Variants in ARHGAP25 observed in about 807,000 individuals in gnomAD.
ARHGAP25 encodes the protein rho GTPase-activating protein 25.
Under a neutral mutation model 71.0 loss-of-function variants are expected in ARHGAP25, and 34 were observed. That is an observed-to-expected ratio of 0.48 (90% confidence interval 0.36 to 0.64). The LOEUF (loss-of-function observed/expected upper bound fraction) is 0.64. Among genes scored for constraint, ARHGAP25 ranks in the 30% least tolerant of loss-of-function variants. The pLI, the probability that ARHGAP25 is intolerant of heterozygous loss-of-function variation, is 0.00. For missense variants in ARHGAP25, 706 were observed against 805.1 expected, an observed-to-expected ratio of 0.88 and a Z score of 1.49; for synonymous variants, 282 against 296.5, an observed-to-expected ratio of 0.95 and a Z score of 0.50.
upstream of ARHGAP25, among the ~76,000 whole-genome samples, chr2:68,730,198 G>T (rs1167473746): frequency 1.3e-5 from 2 of 152,202 alleles, no homozygotes; most frequent in Non-Finnish European, 2.9e-5. Context: ...TGAGTAGAAG[G>T]TGAGGGAGAA....
intron 7 of ARHGAP25, chr2:68,816,866 A>C (rs1484132178): frequency 6.5e-6 from 1 of 152,976 alleles, no homozygotes; most frequent in African/African-American, 2.4e-5. Flanking sequence ...TTTAAAAATA[A>C]TTTGTTGTAG....
chr2:68,817,360 C>A (rs1681311210), intron 7 of ARHGAP25, among the ~76,000 whole-genome samples: 1 of 152,126 alleles, frequency 6.6e-6, no homozygotes, highest in African/African-American at 2.4e-5. Flanking sequence ...AGAATTTTAA[C>A]AAAAATTCAG....
intron 1 of ARHGAP25, among the ~76,000 whole-genome samples, chr2:68,746,143 C>T (rs1339466424): frequency 6.6e-6 from 1 of 152,156 alleles, no homozygotes; most frequent in Non-Finnish European, 1.5e-5. Flanking sequence ...TCATTTTCCC[C>T]AAAGCTTTTA....
chr2:68,806,154 A>G (rs1680347016), intron 4 of ARHGAP25, among the ~76,000 whole-genome samples: 1 of 152,158 alleles, frequency 6.6e-6, no homozygotes, highest in Non-Finnish European at 1.5e-5. Flanking sequence ...AAATGTTCAA[A>G]CCTCTTGACC....
intron 1 of ARHGAP25, among the ~76,000 whole-genome samples, chr2:68,745,075 A>G (rs1169770326): frequency 6.6e-6 from 1 of 152,198 alleles, no homozygotes; most frequent in Admixed American, 6.5e-5. Flanking sequence ...GAGGCCCCTA[A>G]AGGCAGATGA....
chr2:68,767,313 G>T lies in ARHGAP25; in HGVS notation c.62-7908G>T, dbSNP rs1033598618. On this transcript the variant is annotated intron_variant, in intron 1 of 10. Transcript: ENST00000409202. This position sits in a 1 kb window ranked among gnomAD's most constrained non-coding sequence, Gnocchi z 4.6. The stretch of plus-strand genomic sequence containing the variant: ...GAAAAGGGATACAGAAAGCGAGCCT[G>T]AAGTTTCTGAAGTCACATGTCCTAA... Among the ~76,000 whole-genome samples, 1 of 152,056 alleles carries T rather than the reference G, an allele frequency of 6.6e-6. No homozygotes were observed. The highest frequency in any genetic ancestry group is 6.5e-5 in the Admixed American group (1 of 15,270).
chr2:68,761,936 G>A (rs754350509), intron 1 of ARHGAP25, among the ~76,000 whole-genome samples: 1 of 152,084 alleles, frequency 6.6e-6, no homozygotes, highest in Non-Finnish European at 1.5e-5. Context: ...TGTACATCAC[G>A]TTCATAGCAG....
chr2:68,759,459 C>T (rs1316002220), intron 1 of ARHGAP25, among the ~76,000 whole-genome samples: 2 of 151,696 alleles, frequency 1.3e-5, no homozygotes, highest in Non-Finnish European at 3.0e-5. Context: ...CAATTGTACA[C>T]CAACAAATTT....
At chr2:68,724,848 C>T (rs1052131184) in intron 2 of ARHGAP25, among the ~76,000 whole-genome samples, 6 of 152,202 alleles carry the variant, frequency 3.9e-5, no homozygotes, top group South Asian at 2.1e-4. Context: ...CATTCTGTCA[C>T]GCCTGTCATC....
chr2:68,735,091 A>G lies in ARHGAP25; in HGVS notation c.-109A>G. ...GATTGCTTGTGAAGCAATCATAAGGAGGAACAAAAACAGACACAAAAACAG... is the reference window on the plus strand; with the variant it reads ...GATTGCTTGTGAAGCAATCATAAGGGGGAACAAAAACAGACACAAAAACAG... On this transcript the variant is annotated 5_prime_UTR_variant, in exon 1 of 11. Coordinates refer to ENST00000409202, the MANE Select transcript of ARHGAP25 (RefSeq NM_001007231.3). 3 of 951,236 alleles carry G rather than the reference A, an allele frequency of 3.2e-6. No homozygotes were observed. The South Asian group carries it at 3.9e-5, about 12-fold the overall frequency. The allele number at this position is 951,236 out of a possible 1,614,324, so 58.9% of individuals were successfully genotyped here.
intron 2 of ARHGAP25, among the ~76,000 whole-genome samples, chr2:68,727,486 G>A (rs1024342286): frequency 6.6e-6 from 1 of 152,098 alleles, no homozygotes; most frequent in Non-Finnish European, 1.5e-5. Flanking sequence ...CTGCCTCTGC[G>A]GAGCTTCCAT....
chr2:68,788,913 G>A (rs1678957541), intron 4 of ARHGAP25, among the ~76,000 whole-genome samples: 1 of 152,116 alleles, frequency 6.6e-6, no homozygotes, highest in African/African-American at 2.4e-5. Flanking sequence ...TAATTTTGTG[G>A]AAAGTAAAGA....
chr2:68,815,511 C>T (rs1229909533), intron 6 of ARHGAP25, among the ~76,000 whole-genome samples: 6 of 134,010 alleles, frequency 4.5e-5, no homozygotes, highest in African/African-American at 1.7e-4. Flanking sequence ...AGTGCAGTGG[C>T]GCGATCTCAG....
At position 68,795,524 on chromosome 2, in the gene ARHGAP25, A is replaced by G. The variant is rs1348912565; in HGVS notation, c.466+7568A>G. The stretch of plus-strand genomic sequence containing the variant: ...CTATCTTAATTTCTTCATTGACCCA[A>G]TGATCATTCGGTAGCATGTTATTTA... On this transcript the variant is annotated intron_variant, in intron 4 of 10. Coordinates refer to ENST00000409202, the MANE Select transcript of ARHGAP25 (RefSeq NM_001007231.3). 3.3e-5 allele frequency among the ~76,000 whole-genome samples: 5 copies of G among 152,150 alleles called. No individual in the cohort carries two copies. The East Asian group carries it at 7.7e-4, about 23-fold the overall frequency.
chr2:68,723,593 C>T (rs1170004057), intron 2 of ARHGAP25, among the ~76,000 whole-genome samples: 3 of 152,154 alleles, frequency 2.0e-5, no homozygotes, highest in Admixed American at 6.5e-5. Context: ...CTTTTCTGTG[C>T]GGCACAGTCC....
chr2:68,724,778 C>T (rs1188128771), intron 2 of ARHGAP25, among the ~76,000 whole-genome samples: 1 of 152,088 alleles, frequency 6.6e-6, no homozygotes, highest in Non-Finnish European at 1.5e-5. Context: ...CAAACGGGAC[C>T]TTCTCCTTTC....
In ARHGAP25 at chr2:68,782,332, C is replaced by T. The variant is rs762465299; in HGVS notation, c.349+12C>T. ...TGAAATCATTCCAGGTAGGCCACCA[C>T]AGGTAGGACAGAGGTGCAGTGCAGA... On this transcript the variant is annotated intron_variant, in intron 3 of 10. Coordinates refer to ENST00000409202, the MANE Select transcript of ARHGAP25 (RefSeq NM_001007231.3). 6.2e-7 allele frequency: 1 copy of T among 1,612,988 alleles called. No homozygotes were observed. The highest frequency in any genetic ancestry group is 8.5e-7 in the Non-Finnish European group (1 of 1,178,966).
intron 2 of ARHGAP25, among the ~76,000 whole-genome samples, chr2:68,714,486 C>T (rs71413154): frequency 0.032 from 4,910 of 152,102 alleles, 116 homozygotes; most frequent in East Asian, 0.11. Context: ...CTATCTCTTT[C>T]TTCTGCTCTG....
chr2:68,818,314 T>C (rs568300274), intron 8 of ARHGAP25, among the ~76,000 whole-genome samples: 9 of 152,316 alleles, frequency 5.9e-5, no homozygotes, highest in Non-Finnish European at 1.0e-4. Flanking sequence ...GGTTTCATTT[T>C]ATTTTATTTT....
Sources: allele counts gnomAD v4.1 joint callset (sites outside exome capture counted in the v4.1 genomes callset), GRCh38; gene constraint gnomAD v4.1.1; non-coding constraint Gnocchi (gnomAD v3.1); transcripts MANE v1.5; gene names NCBI Gene and HGNC (gene_info 2026-07-23, HGNC 2026-07-21).